Variants in PABPN1L observed in about 807,000 individuals in gnomAD.
PABPN1L encodes the protein embryonic polyadenylate-binding protein 2.
A neutral mutation model predicts 34.0 loss-of-function variants in PABPN1L; 45 were observed. That is an observed-to-expected ratio of 1.32 (90% confidence interval 1.04 to 1.70). The LOEUF is 1.70. PABPN1L is among the 40% of genes most tolerant of loss of function. The probability of loss-of-function intolerance (pLI) is 0.00; values close to 1 mark genes in which losing one functional copy is unlikely to be tolerated. For missense variants in PABPN1L, 459 were observed against 367.8 expected, an observed-to-expected ratio of 1.25 and a Z score of -2.03; for synonymous variants, 182 against 152.1, an observed-to-expected ratio of 1.20 and a Z score of -1.45.
chr16:88,863,490 C>T (rs1207428195), exon 7 of PABPN1L: 2 of 574,822 alleles, frequency 3.5e-6, no homozygotes, highest in Non-Finnish European at 6.3e-6. Context: ...CCCTCAACAC[C>T]CAGAGCCCCG....
chr16:88,870,012 C>A (rs1424088817), upstream of PABPN1L, among the ~76,000 whole-genome samples: 1 of 152,218 alleles, frequency 6.6e-6, no homozygotes, highest in Non-Finnish European at 1.5e-5. Flanking sequence ...AACACCAGGG[C>A]CCCATGGGGG....
At chr16:88,868,686 G>A (rs990311650), upstream of PABPN1L, among the ~76,000 whole-genome samples, 2 of 151,910 alleles carry the variant, frequency 1.3e-5, no homozygotes, top group East Asian at 1.9e-4. Flanking sequence ...GGGAACACAG[G>A]AAGGAAAGAA....
Position 88,864,955 on chromosome 16 carries a change from A to AGGGAGGGGAGGGGCAGGGAG in PABPN1L, c.567-16_567-15insCTCCCTGCCCCTCCCCTCCC, listed in dbSNP as rs71158763. 7 of 1,250,166 alleles carry AGGGAGGGGAGGGGCAGGGAG rather than the reference A, an allele frequency of 5.6e-6. No homozygotes were observed. The African/African-American group carries it at 7.3e-5, about 13-fold the overall frequency. 77.4% of individuals were successfully genotyped at this position (1,250,166 alleles called of 1,614,324 possible). A position where few individuals can be genotyped will look rare whatever the true frequency, so the allele number is the denominator to read the frequency against. ...TGTAGGCATAACTGAGGGGAGGGGC[A>AGGGAGGGGAGGGGCAGGGAG]GGGAGGGGAGGGGTGAGGCTGGGCC... is the stretch of plus-strand genomic sequence containing the variant. On this transcript the variant is annotated splice_polypyrimidine_tract_variant and intron_variant, in intron 4 of 6. Coordinates refer to ENST00000419291, the Ensembl canonical transcript of PABPN1L.
chr16:88,864,140 C>T (rs1968520712), intron 6 of PABPN1L, 97 bp downstream of exon 6: 2 of 1,413,756 alleles, frequency 1.4e-6, no homozygotes, highest in Non-Finnish European at 1.9e-6. Flanking sequence ...TACATTCCTG[C>T]AGCCCCATGA....
At chr16:88,863,752 C>T in exon 7 of PABPN1L, 1 of 1,536,114 alleles carries the variant, frequency 6.5e-7, no homozygotes, top group African/African-American at 1.4e-5. Context: ...ATCGGGTCTT[C>T]CCTTTAATAC....
exon 4 of PABPN1L, chr16:88,865,076 C>T (rs1238869133): frequency 2.5e-6 from 4 of 1,595,136 alleles, no homozygotes; most frequent in East Asian, 2.3e-5. Flanking sequence ...GTGGACCTCC[C>T]CACAGCGGCT....
exon 7 of PABPN1L, chr16:88,863,770 A>G: frequency 6.5e-7 from 1 of 1,535,942 alleles, no homozygotes; most frequent in Non-Finnish European, 8.7e-7. Flanking sequence ...TACGGTGAAA[A>G]CCATGGTGAG....
rs1968551755 is a variant in PABPN1L at position 88,864,927 on chromosome 16, C to CT, written c.579dup (p.Glu194ArgfsTer141). 2 of 1,370,232 alleles carry CT rather than the reference C, an allele frequency of 1.5e-6. No individual in the cohort carries two copies. Among genetic ancestry groups the CT allele is most frequent in the Non-Finnish European group, 1.0e-6 (1 of 999,300 alleles). 84.9% of individuals were successfully genotyped at this position (1,370,232 alleles called of 1,614,324 possible). A position where few individuals can be genotyped will look rare whatever the true frequency, so the allele number is the denominator to read the frequency against. On this transcript the variant is annotated frameshift_variant, in exon 5 of 7. Transcript: ENST00000419291. LOFTEE classifies it high-confidence loss of function. Reference sequence around the variant, plus strand: ...TGCACGGAGCCCTTGGTGGCAAACTCTATGTAGGCATAACTGAGGGGAGGG... The same window carrying CT: ...TGCACGGAGCCCTTGGTGGCAAACTCTTATGTAGGCATAACTGAGGGGAGGG...
exon 2 of PABPN1L, chr16:88,865,859 G>A: frequency 6.2e-7 from 1 of 1,609,824 alleles, no homozygotes; most frequent in Non-Finnish European, 8.5e-7. Flanking sequence ...CTCTTCCTCG[G>A]CCTGTTGCTG....
At chr16:88,863,416 T>C in exon 7 of PABPN1L, 1 of 462,046 alleles carries the variant, frequency 2.2e-6, no homozygotes, top group South Asian at 2.7e-5. Flanking sequence ...AATGACTTAG[T>C]TGAAGAGCTG....
At chr16:88,866,839 G>A (rs545495437), upstream of PABPN1L, among the ~76,000 whole-genome samples, 14 of 152,348 alleles carry the variant, frequency 9.2e-5, no homozygotes, top group East Asian at 2.7e-3. Flanking sequence ...AGGAAGGAGA[G>A]GCTGAGTTGA....
exon 3 of PABPN1L, chr16:88,865,614 C>T (rs1453679604): frequency 6.2e-7 from 1 of 1,609,774 alleles, no homozygotes; most frequent in Non-Finnish European, 8.5e-7. Flanking sequence ...CCTCGGGGGT[C>T]CCAGAGAGGG....
chr16:88,864,560 A>G (rs1968538901), intron 5 of PABPN1L, among the ~76,000 whole-genome samples, 181 bp from the exon 6 acceptor site: 1 of 131,654 alleles, frequency 7.6e-6, no homozygotes, highest in East Asian at 2.5e-4. Context: ...CACGGCCAGC[A>G]CCCCTGCAGA....
Position 88,865,043 on chromosome 16 carries a change from T to A in PABPN1L, c.545A>T (p.Lys182Met), listed in dbSNP as rs756250744. 1.7e-5 allele frequency: 28 copies of A among 1,600,482 alleles called. No homozygotes were observed. Among genetic ancestry groups the A allele is most frequent in the Middle Eastern group, 1.6e-4 (1 of 6,072 alleles). The stretch of plus-strand genomic sequence containing the variant: ...TGACCCCTTGGGGTGTCCAGAGAAC[T>A]TGTCACACAGGATCGTGACTCGGTG... Residue 182 changes from lysine to methionine, a missense_variant, in exon 4 of 7, where the codon AAG (lysine) becomes ATG (methionine). Coordinates refer to ENST00000419291, the Ensembl canonical transcript of PABPN1L.
At chr16:88,863,643 C>G in exon 7 of PABPN1L, 2 of 1,337,340 alleles carry the variant, frequency 1.5e-6, no homozygotes, top group Non-Finnish European at 2.1e-6. Context: ...TCTGGACACC[C>G]CTCTCCTCTG....
At chr16:88,866,129 C>A (rs867681908) in intron 1 of PABPN1L, among the ~76,000 whole-genome samples, 188 bp from the exon 2 acceptor site, 1 of 152,364 alleles carries the variant, frequency 6.6e-6, no homozygotes, top group South Asian at 2.1e-4. Context: ...CCCCCGAAAC[C>A]GCACCTCAAG....
exon 2 of PABPN1L, chr16:88,865,813 C>G (rs1414927426): frequency 2.5e-6 from 4 of 1,605,750 alleles, no homozygotes; most frequent in Non-Finnish European, 3.4e-6. Context: ...TACCCACGGT[C>G]TCAGGGCTCA....
chr16:88,864,616 C>T (rs1968542534), intron 5 of PABPN1L, among the ~76,000 whole-genome samples: 1 of 142,234 alleles, frequency 7.0e-6, no homozygotes, highest in South Asian at 2.1e-4. Context: ...GGGTCACGGC[C>T]AGCACCCCTG....
exon 6 of PABPN1L, chr16:88,864,295 G>A: frequency 6.4e-7 from 1 of 1,554,478 alleles, no homozygotes; most frequent in Non-Finnish European, 8.7e-7. Flanking sequence ...TGGGGGAAGG[G>A]TGCCCCCCTG....
Sources: gnomAD v4.1 joint callset for allele counts (sites outside exome capture counted in the v4.1 genomes callset) on GRCh38, gnomAD v4.1.1 for gene constraint, MANE v1.5 for transcripts, NCBI Gene and HGNC (gene_info 2026-07-23, HGNC 2026-07-21) for gene names.